The following KCNMB2 variants were observed in gnomAD, a reference collection of about 807,000 sequenced individuals.
KCNMB2 encodes calcium-activated potassium channel subunit beta-2.
Under a neutral mutation model 24.5 loss-of-function variants are expected in KCNMB2, and 9 were observed. The observed-to-expected ratio is 0.37, with a 90% CI of 0.22 to 0.64. The LOEUF is 0.64. Ranked by LOEUF, KCNMB2 falls within the 30% of genes least tolerant of loss-of-function variation. The pLI, the probability that KCNMB2 is intolerant of heterozygous loss-of-function variation, is 0.63. For synonymous variants in KCNMB2, 109 were observed against 104.4 expected, an observed-to-expected ratio of 1.04 and a Z score of -0.27; for missense variants, 226 against 284.3, an observed-to-expected ratio of 0.79 and a Z score of 1.47.
intron 1 of KCNMB2, among the ~76,000 whole-genome samples, chr3:178,731,217 C>T (rs1476081604): frequency 4.6e-5 from 7 of 152,150 alleles, no homozygotes. Flanking sequence ...TAGTTTAAAT[C>T]ATACCATTTC....
intron 2 of KCNMB2, among the ~76,000 whole-genome samples, chr3:178,820,244 T>G (rs1200945331): frequency 1.3e-5 from 2 of 152,266 alleles, no homozygotes; most frequent in Non-Finnish European, 2.9e-5. Context: ...GAGAAACTGA[T>G]CCTTTAGCAA....
chr3:178,737,387 T>C (rs1423149939), intron 1 of KCNMB2, among the ~76,000 whole-genome samples: 1 of 152,244 alleles, frequency 6.6e-6, no homozygotes, highest in Non-Finnish European at 1.5e-5. Context: ...TGTTTGTTTG[T>C]TTGTTTTTTA....
At chr3:178,795,676 C>T (rs1400256311) in intron 1 of KCNMB2, among the ~76,000 whole-genome samples, 4 of 152,176 alleles carry the variant, frequency 2.6e-5, no homozygotes, top group African/African-American at 9.7e-5. Context: ...AGCACCTTGA[C>T]CTTAGCCCAG....
At chr3:178,659,433 A>G (rs577843040) in intron 1 of KCNMB2, among the ~76,000 whole-genome samples, 1 of 152,332 alleles carries the variant, frequency 6.6e-6, no homozygotes, top group South Asian at 2.1e-4. Flanking sequence ...AATTTTCTCC[A>G]GATAGTGATA....
At chr3:178,540,751 CA>C (rs1715591121) in intron 1 of KCNMB2, among the ~76,000 whole-genome samples, 2 of 152,294 alleles carry the variant, frequency 1.3e-5, no homozygotes, top group East Asian at 3.9e-4. Context: ...CCTTTCAAAT[CA>C]CACCCCTTTG....
intron 4 of KCNMB2, among the ~76,000 whole-genome samples, chr3:178,828,933 G>T (rs1462650710): frequency 2.0e-5 from 1 of 48,934 alleles, no homozygotes; most frequent in Non-Finnish European, 5.5e-5. Flanking sequence ...CACTGTGTGT[G>T]TGTGTGTGTG....
chr3:178,765,635 G>A (rs954442679), intron 1 of KCNMB2, among the ~76,000 whole-genome samples: 6 of 152,122 alleles, frequency 3.9e-5, no homozygotes, highest in Non-Finnish European at 8.8e-5. Flanking sequence ...GTGTGCACGC[G>A]CGTGTGCATG....
intron 4 of KCNMB2, among the ~76,000 whole-genome samples, chr3:178,841,157 G>A (rs920670490): frequency 9.9e-5 from 15 of 152,176 alleles, no homozygotes; most frequent in African/African-American, 3.1e-4. Context: ...CTATGGCAGG[G>A]ACAAAATGCT....
intron 1 of KCNMB2, among the ~76,000 whole-genome samples, chr3:178,630,067 A>G (rs1719260474): frequency 6.6e-6 from 1 of 152,202 alleles, no homozygotes. Flanking sequence ...ACCCTGCCCC[A>G]GTGTCCACCA....
chr3:178,628,785 G>A (rs1719208206), intron 1 of KCNMB2, among the ~76,000 whole-genome samples: 1 of 152,150 alleles, frequency 6.6e-6, no homozygotes, highest in African/African-American at 2.4e-5. Flanking sequence ...ATGTTCAAAT[G>A]CCTAAGTCTT....
intron 1 of KCNMB2, among the ~76,000 whole-genome samples, chr3:178,596,738 T>A (rs1371510075): frequency 6.6e-6 from 1 of 151,800 alleles, no homozygotes; most frequent in Non-Finnish European, 1.5e-5. Flanking sequence ...ATACAATTAG[T>A]GAAGTTCAGG....
chr3:178,655,118 C>CTCTCTA (rs1262025250), intron 1 of KCNMB2, among the ~76,000 whole-genome samples: 1 of 151,188 alleles, frequency 6.6e-6, no homozygotes, highest in African/African-American at 2.4e-5. Context: ...CTCTCTCTCT[C>CTCTCTA]TCTCTCTCTC....
intron 1 of KCNMB2, among the ~76,000 whole-genome samples, chr3:178,575,172 T>C (rs992371796): frequency 1.3e-5 from 2 of 152,162 alleles, no homozygotes; most frequent in Non-Finnish European, 2.9e-5. Context: ...TCAACTGTGA[T>C]AAATACTATG....
intron 1 of KCNMB2, among the ~76,000 whole-genome samples, chr3:178,651,604 T>G (rs1021949278): frequency 1.3e-5 from 2 of 152,078 alleles, no homozygotes; most frequent in Non-Finnish European, 2.9e-5. Context: ...AAATAGCCCA[T>G]ATAGCCAAGA....
At chr3:178,772,139 C>G (rs1321446154) in intron 1 of KCNMB2, among the ~76,000 whole-genome samples, 1 of 152,166 alleles carries the variant, frequency 6.6e-6, no homozygotes, top group Non-Finnish European at 1.5e-5. Flanking sequence ...TAATATTCTC[C>G]AAGGCATTAT....
At chr3:178,556,832 G>C (rs143453254) in intron 1 of KCNMB2, among the ~76,000 whole-genome samples, 24 of 152,304 alleles carry the variant, frequency 1.6e-4, no homozygotes, top group Admixed American at 1.4e-3. Flanking sequence ...GCCCTAAAGA[G>C]AGCCTGAGTA....
chr3:178,815,498 T>C (rs963985209), intron 2 of KCNMB2, among the ~76,000 whole-genome samples: 3 of 152,216 alleles, frequency 2.0e-5, no homozygotes, highest in African/African-American at 7.2e-5. Context: ...GTGAATACGC[T>C]TTTATTTCTT....
At position 178,649,972 on chromosome 3, in the gene KCNMB2, G is replaced by T. The variant is rs1720051731; in HGVS notation, c.-68+113261G>T. 2.0e-5 allele frequency among the ~76,000 whole-genome samples: 3 copies of T among 152,060 alleles called. No homozygotes were observed. The South Asian group carries it at 6.2e-4, about 32-fold the overall frequency. ...TTAGATCTTTCCCGCTTTCTCCTGTGGGCATTTAGCGCTATAAATTTCCCT... is the reference window on the plus strand; with the variant it reads ...TTAGATCTTTCCCGCTTTCTCCTGTTGGCATTTAGCGCTATAAATTTCCCT... On this transcript the variant is annotated intron_variant, in intron 1 of 4. Transcript: ENST00000452583.
chr3:178,808,399 T>A (rs1714063697), intron 2 of KCNMB2, among the ~76,000 whole-genome samples: 1 of 152,182 alleles, frequency 6.6e-6, no homozygotes. Context: ...TCAGGATTGA[T>A]TTGGTTGAAG....
Sources: gnomAD v4.1 joint callset for allele counts (sites outside exome capture counted in the v4.1 genomes callset) on GRCh38, gnomAD v4.1.1 for gene constraint, MANE v1.5 for transcripts, NCBI Gene and HGNC (gene_info 2026-07-23, HGNC 2026-07-21) for gene names.